The following ADGRD1 variants were observed in gnomAD, a reference collection of about 807,000 sequenced individuals.
The protein encoded by ADGRD1 is adhesion G protein-coupled receptor D1.
Under a neutral mutation model 113.4 loss-of-function variants are expected in ADGRD1, and 77 were observed. That is an observed-to-expected ratio of 0.68 (90% CI 0.57 to 0.82). The LOEUF (loss-of-function observed/expected upper bound fraction) is 0.82. Ranked by LOEUF, ADGRD1 falls within the 40% of genes least tolerant of loss-of-function variation. The pLI, the probability that ADGRD1 is intolerant of heterozygous loss-of-function variation, is 0.00. For synonymous variants in ADGRD1, 474 were observed against 475.0 expected, an observed-to-expected ratio of 1.00 and a Z score of 0.03; for missense variants, 1,036 against 1,139.1, an observed-to-expected ratio of 0.91 and a Z score of 1.30.
At chr12:131,127,250 G>A (rs1352103067) in intron 20 of ADGRD1, among the ~76,000 whole-genome samples, 1 of 152,222 alleles carries the variant, frequency 6.6e-6, no homozygotes, top group Non-Finnish European at 1.5e-5. Context: ...TCAAGATAAA[G>A]TAAAGGACTT....
chr12:131,131,719 G>C lies in ADGRD1; in HGVS notation c.2176-6G>C, dbSNP rs1950934229. On this transcript the variant is annotated splice_polypyrimidine_tract_variant and splice_region_variant and intron_variant, in intron 20 of 24. Coordinates refer to ENST00000261654, the MANE Select transcript of ADGRD1 (RefSeq NM_198827.5). ...CCCTCACCTTCCTCCATGGTTTCTT[G>C]TGCAGGTCAACATTGGCATCCTCAT... 1 of 1,602,248 alleles carries C rather than the reference G, an allele frequency of 6.2e-7. No homozygotes were observed. Among genetic ancestry groups the C allele is most frequent in the Non-Finnish European group, 8.5e-7 (1 of 1,171,556 alleles).
intron 13 of ADGRD1, chr12:131,069,752 T>C (rs1885008228): frequency 6.6e-6 from 1 of 152,212 alleles, no homozygotes; most frequent in Admixed American, 6.5e-5. Flanking sequence ...TCCAAGGTCT[T>C]AGAAAATATC....
Position 131,139,153 on chromosome 12 carries a change from C to A in ADGRD1, c.2530-15C>A. 1 of 1,608,950 alleles carries A rather than the reference C, an allele frequency of 6.2e-7. No homozygotes were observed. Among genetic ancestry groups the A allele is most frequent in the Non-Finnish European group, 8.5e-7 (1 of 1,176,384 alleles). ...GGAGCAGGCCCTTCACTGCTCATCC[C>A]TTTATGCTTTGCAGATGAATGGGAC... On this transcript the variant is annotated splice_polypyrimidine_tract_variant and intron_variant, in intron 24 of 24. Transcript: ENST00000261654.
intron 6 of ADGRD1, 62 bp downstream of exon 6, chr12:130,987,411 G>A (rs2398544): frequency 0.98 from 1,566,458 of 1,593,992 alleles, 771,690 homozygotes; most frequent in Non-Finnish European, 0.99. Context: ...CCCTGGTATC[G>A]GCCTCCTTTC....
At chr12:131,042,553 T>C (rs2136991450) in intron 13 of ADGRD1, among the ~76,000 whole-genome samples, 1 of 152,324 alleles carries the variant, frequency 6.6e-6, no homozygotes, top group East Asian at 1.9e-4. Flanking sequence ...CTTGAAAACC[T>C]TGAGGACTCG....
At chr12:131,039,221 C>T (rs1201294404) in intron 13 of ADGRD1, among the ~76,000 whole-genome samples, 1 of 151,692 alleles carries the variant, frequency 6.6e-6, no homozygotes, top group Non-Finnish European at 1.5e-5. Context: ...TGCGGAGAGC[C>T]CTGTGCTCCT....
chr12:131,068,029 T>C (rs1440543535), intron 13 of ADGRD1, among the ~76,000 whole-genome samples: 17 of 151,236 alleles, frequency 1.1e-4, no homozygotes, highest in Admixed American at 1.1e-3. Flanking sequence ...CTCCTGTATG[T>C]CTGATCGCTG....
rs1950329838 is a variant in ADGRD1 at position 131,110,766 on chromosome 12, T to A, written c.2041+1889T>A. ...AAGATTACTTTTTGGGGTCATTTGC[T>A]TTCAGCCTGGAGAACTTTCTTTGTT... is the stretch of plus-strand genomic sequence containing the variant. On this transcript the variant is annotated intron_variant, in intron 18 of 24. Coordinates refer to ENST00000261654, the MANE Select transcript of ADGRD1 (RefSeq NM_198827.5). Among the ~76,000 whole-genome samples, 2 of 152,256 alleles carry A rather than the reference T, an allele frequency of 1.3e-5. 1 individual carries two copies. Among genetic ancestry groups the A allele is most frequent in the South Asian group, 4.1e-4 (2 of 4,838 alleles).
intron 20 of ADGRD1, among the ~76,000 whole-genome samples, chr12:131,129,329 AG>A (rs1210989065): frequency 1.6e-5 from 2 of 128,800 alleles, no homozygotes; most frequent in Admixed American, 8.0e-5. Flanking sequence ...TGTGAGTGAC[AG>A]GCCTGCCCTC....
intron 12 of ADGRD1, among the ~76,000 whole-genome samples, chr12:131,011,906 G>T (rs1400454158): frequency 6.6e-6 from 1 of 152,228 alleles, no homozygotes; most frequent in Non-Finnish European, 1.5e-5. Flanking sequence ...CGCGTGCGGG[G>T]CGGGGACAAG....
Position 131,084,059 on chromosome 12 carries a change from C to G in ADGRD1, c.1548-481C>G, listed in dbSNP as rs757334625. On this transcript the variant is annotated intron_variant, in intron 14 of 24. Transcript: ENST00000261654. The surrounding 1 kb of genome is among the most constrained non-coding windows in gnomAD (Gnocchi z 4.5). ...TCAAGGATGTTCTTTTTAACCGATG[C>G]GAGGTCTTTTATCATATTTCTCTCT... Among the ~76,000 whole-genome samples the G allele has an allele frequency of 9.9e-5, 15 of 152,160 alleles. No homozygotes were observed. The highest frequency in any genetic ancestry group is 4.6e-4 in the Admixed American group (7 of 15,280).
intron 13 of ADGRD1, among the ~76,000 whole-genome samples, chr12:131,019,715 G>A (rs1332095593): frequency 3.3e-5 from 5 of 152,220 alleles, no homozygotes; most frequent in South Asian, 2.1e-4. Context: ...CCAGGCCATC[G>A]CTCAGGCTAC....
intron 18 of ADGRD1, among the ~76,000 whole-genome samples, chr12:131,111,748 C>T (rs567832738): frequency 1.2e-4 from 18 of 152,110 alleles, no homozygotes; most frequent in Admixed American, 5.9e-4. Context: ...TTATACTTTT[C>T]GACTCCAGAA....
rs72488113 is a variant in ADGRD1, at chr12:131,030,129, G to A, written c.1473+15789G>A. 7.5e-4 allele frequency among the ~76,000 whole-genome samples: 102 copies of A among 136,282 alleles called. 5 individuals are homozygous for A. The highest frequency in any genetic ancestry group is 4.1e-3 in the Middle Eastern group (1 of 244). The allele number at this position is 136,282 out of a possible 152,430, so 89.4% of individuals were successfully genotyped here. A position where few individuals can be genotyped will look rare whatever the true frequency, so the allele number is the denominator to read the frequency against. ...GGTTAGGTTGTGGACCCTTCATACGGTGACATTCCCAGGCTCTGGGGTTAG... is the reference window on the plus strand; with the variant it reads ...GGTTAGGTTGTGGACCCTTCATACGATGACATTCCCAGGCTCTGGGGTTAG... On this transcript the variant is annotated intron_variant, in intron 13 of 24. Transcript: ENST00000261654.
intron 13 of ADGRD1, among the ~76,000 whole-genome samples, chr12:131,052,680 A>G (rs1341259365): frequency 6.6e-6 from 1 of 152,226 alleles, no homozygotes; most frequent in East Asian, 1.9e-4. Context: ...GTGAAATTAA[A>G]TTAGGGTTAA....
At chr12:131,107,167 G>A (rs994479893) in intron 17 of ADGRD1, among the ~76,000 whole-genome samples, 14 of 151,644 alleles carry the variant, frequency 9.2e-5, no homozygotes, top group African/African-American at 2.4e-4. Flanking sequence ...GATGGGTCCC[G>A]CTTTCCCAGA....
intron 15 of ADGRD1, among the ~76,000 whole-genome samples, chr12:131,098,745 G>A (rs889940426): frequency 2.0e-5 from 3 of 152,170 alleles, no homozygotes; most frequent in Non-Finnish European, 4.4e-5. Flanking sequence ...TCATCAACAC[G>A]ACACTGGCAG....
chr12:131,003,911 C>G lies in ADGRD1; in HGVS notation c.1145-275C>G, dbSNP rs1032840420. On this transcript the variant is annotated intron_variant, in intron 10 of 24. Transcript: ENST00000261654. The surrounding 1 kb of genome is among the most constrained non-coding windows in gnomAD (Gnocchi z 4.8). The stretch of plus-strand genomic sequence containing the variant: ...CCCATCCTTGCACCGGCCTTGAGAG[C>G]TGGGGGCTGTGCTGGGGCGGAGGGC... Among the ~76,000 whole-genome samples, 1 of 152,078 alleles carries G rather than the reference C, an allele frequency of 6.6e-6. No homozygotes were observed. Among genetic ancestry groups the G allele is most frequent in the Non-Finnish European group, 1.5e-5 (1 of 68,014 alleles).
intron 13 of ADGRD1, among the ~76,000 whole-genome samples, chr12:131,037,453 G>GGGGCCTCACTCACTGCACC (rs1203121347): frequency 7.2e-6 from 1 of 139,784 alleles, no homozygotes; most frequent in Non-Finnish European, 1.6e-5. Flanking sequence ...CTCACTGCAT[G>GGGGCCTCACTCACTGCACC]GGGCCTCACT....
Sources: allele counts gnomAD v4.1 joint callset (sites outside exome capture counted in the v4.1 genomes callset), GRCh38; gene constraint gnomAD v4.1.1; non-coding constraint Gnocchi (gnomAD v3.1); transcripts MANE v1.5; gene names NCBI Gene and HGNC (gene_info 2026-07-23, HGNC 2026-07-21).